Variants in CCSER2 observed in about 807,000 individuals in gnomAD.
The protein encoded by CCSER2 is serine-rich coiled-coil domain-containing protein 2.
A neutral mutation model predicts 92.3 loss-of-function variants in CCSER2; 46 were observed. The ratio of observed to expected loss-of-function variants is 0.50; its 90% confidence interval spans 0.39 to 0.64. The LOEUF (loss-of-function observed/expected upper bound fraction) is 0.64. CCSER2 is among the 30% of genes least tolerant of loss of function. The probability of loss-of-function intolerance (pLI) is 0.00; values close to 1 mark genes in which losing one functional copy is unlikely to be tolerated. For synonymous variants in CCSER2, 433 were observed against 431.4 expected (o/e 1.00, Z -0.04); for missense variants, 1,244 against 1,238.9 (o/e 1.00, Z -0.06).
At chr10:84,402,489 C>G (rs563099140) in intron 3 of CCSER2, among the ~76,000 whole-genome samples, 2 of 152,262 alleles carry the variant, frequency 1.3e-5, no homozygotes, top group Admixed American at 1.3e-4. Context: ...GCCAAATGGG[C>G]TTATCCTAGG....
At chr10:84,413,844 A>T (rs111897876) in intron 3 of CCSER2, among the ~76,000 whole-genome samples, 4 of 152,188 alleles carry the variant, frequency 2.6e-5, no homozygotes, top group African/African-American at 9.7e-5. Context: ...GGCTGCATAT[A>T]TATTTAATAA....
chr10:84,357,314 G>A (rs535739096), intron 1 of CCSER2, among the ~76,000 whole-genome samples: 4 of 152,136 alleles, frequency 2.6e-5, no homozygotes, highest in African/African-American at 7.2e-5. Flanking sequence ...ACAATTAGTC[G>A]AATAATTGGG....
At chr10:84,472,244 A>C (rs985877961) in intron 8 of CCSER2, among the ~76,000 whole-genome samples, 7 of 152,124 alleles carry the variant, frequency 4.6e-5, no homozygotes, top group Admixed American at 1.3e-4. Flanking sequence ...AATTTAGCTA[A>C]AGGAAAATGG....
At chr10:84,381,333 A>G (rs1840894752) in intron 3 of CCSER2, among the ~76,000 whole-genome samples, 1 of 152,150 alleles carries the variant, frequency 6.6e-6, no homozygotes, top group African/African-American at 2.4e-5. Flanking sequence ...TTCTTCCACA[A>G]TATGCTTGGG....
intron 6 of CCSER2, among the ~76,000 whole-genome samples, chr10:84,441,843 A>T (rs1348490708): frequency 3.8e-5 from 5 of 130,798 alleles, no homozygotes; most frequent in African/African-American, 6.0e-5. Context: ...TGCAAACTCC[A>T]CCTCCTGGGT....
chr10:84,496,553 G>A (rs1430254567), intron 9 of CCSER2, among the ~76,000 whole-genome samples: 4 of 151,826 alleles, frequency 2.6e-5, no homozygotes, highest in Non-Finnish European at 5.9e-5. Context: ...CCAAAGTGCT[G>A]GGATTACAGG....
chr10:84,418,902 A>AT (rs1390387306), intron 4 of CCSER2, among the ~76,000 whole-genome samples: 1 of 152,142 alleles, frequency 6.6e-6, no homozygotes, highest in Non-Finnish European at 1.5e-5. Context: ...ATGTTTCTTC[A>AT]TTTTGAGACC....
At chr10:84,487,506 A>G (rs750457798) in intron 9 of CCSER2, among the ~76,000 whole-genome samples, 6 of 152,214 alleles carry the variant, frequency 3.9e-5, no homozygotes, top group African/African-American at 7.2e-5. Context: ...CTTTGAAGCA[A>G]TTGTGAATGG....
intron 7 of CCSER2, among the ~76,000 whole-genome samples, chr10:84,467,837 A>G (rs1490800496): frequency 6.6e-6 from 1 of 152,156 alleles, no homozygotes; most frequent in African/African-American, 2.4e-5. Flanking sequence ...GAATTGCCAA[A>G]AATCTCAAAA....
intron 3 of CCSER2, among the ~76,000 whole-genome samples, chr10:84,394,208 C>CTACT (rs1841690692): frequency 6.6e-6 from 1 of 152,174 alleles, no homozygotes. Flanking sequence ...TCTTGAGCTT[C>CTACT]TACTATGCTC....
intron 9 of CCSER2, among the ~76,000 whole-genome samples, chr10:84,489,222 G>T (rs1847995130): frequency 6.6e-6 from 1 of 152,178 alleles, no homozygotes; most frequent in African/African-American, 2.4e-5. Flanking sequence ...CTGTTGATTT[G>T]GGGTGGAGAG....
At chr10:84,465,954 G>A (rs546973137) in intron 7 of CCSER2, among the ~76,000 whole-genome samples, 1 of 152,012 alleles carries the variant, frequency 6.6e-6, no homozygotes, top group African/African-American at 2.4e-5. Context: ...GTTTCACCGT[G>A]GTCTCAATCT....
At chr10:84,489,301 TTC>T (rs1320688112) in intron 9 of CCSER2, among the ~76,000 whole-genome samples, 1 of 152,164 alleles carries the variant, frequency 6.6e-6, no homozygotes, top group Non-Finnish European at 1.5e-5. Context: ...GTTGTTAACT[TTC>T]TGTCTCATTG....
intron 9 of CCSER2, among the ~76,000 whole-genome samples, chr10:84,486,012 C>A (rs577546576): frequency 1.3e-5 from 2 of 152,004 alleles, no homozygotes; most frequent in Non-Finnish European, 2.9e-5. Flanking sequence ...TTTGTTCTTG[C>A]GATAGTTTGC....
chr10:84,451,846 C>T (rs767930699), intron 6 of CCSER2, among the ~76,000 whole-genome samples: 16 of 152,122 alleles, frequency 1.1e-4, no homozygotes, highest in Non-Finnish European at 7.4e-5. Flanking sequence ...GATCACTTCA[C>T]CTCTAAAGCG....
chr10:84,441,218 G>T, intron 6 of CCSER2, among the ~76,000 whole-genome samples: 1 of 151,764 alleles, frequency 6.6e-6, no homozygotes, highest in African/African-American at 2.4e-5. Flanking sequence ...TTTGTTATAC[G>T]TTTTTCTTTT....
At chr10:84,420,026 G>A (rs1843062001) in intron 4 of CCSER2, among the ~76,000 whole-genome samples, 1 of 152,202 alleles carries the variant, frequency 6.6e-6, no homozygotes, top group African/African-American at 2.4e-5. Context: ...GTAGTGAGGA[G>A]TGAGGGATTT....
At chr10:84,459,444 C>T (rs1054844220) in intron 6 of CCSER2, among the ~76,000 whole-genome samples, 1 of 151,962 alleles carries the variant, frequency 6.6e-6, no homozygotes, top group African/African-American at 2.4e-5. Context: ...TGCCTTGTTC[C>T]TGGTCTTGGG....
intron 3 of CCSER2, among the ~76,000 whole-genome samples, chr10:84,407,446 T>C (rs936364778): frequency 2.0e-5 from 3 of 152,216 alleles, no homozygotes; most frequent in Admixed American, 6.5e-5. Context: ...CATACATTTG[T>C]TTCTCAAGCC....
Sources: gnomAD v4.1 joint callset for allele counts (sites outside exome capture counted in the v4.1 genomes callset) on GRCh38, gnomAD v4.1.1 for gene constraint, MANE v1.5 for transcripts, NCBI Gene and HGNC (gene_info 2026-07-23, HGNC 2026-07-21) for gene names.